The following NRXN1 variants were observed in gnomAD, a reference collection of about 807,000 sequenced individuals.
The protein encoded by NRXN1 is neurexin 1, also known as neurexin-1.
In NRXN1, 39 loss-of-function variants were observed where a neutral mutation model predicts 150.9. The ratio of observed to expected loss-of-function variants is 0.26; its 90% CI spans 0.20 to 0.34. The LOEUF (loss-of-function observed/expected upper bound fraction) is 0.34, where lower values mean the gene tolerates loss of function less well. Ranked by LOEUF, NRXN1 falls within the 10% of genes least tolerant of loss-of-function variation. The pLI, the probability that NRXN1 is intolerant of heterozygous loss-of-function variation, is 1.00. For missense variants in NRXN1, 1,815 were observed against 1,949.9 expected, an observed-to-expected ratio of 0.93 and a Z score of 1.30; for synonymous variants, 924 against 757.0, an observed-to-expected ratio of 1.22 and a Z score of -3.62.
At chr2:50,322,192 C>A (rs2076090961) in intron 17 of NRXN1, among the ~76,000 whole-genome samples, 2 of 152,132 alleles carry the variant, frequency 1.3e-5, no homozygotes. Context: ...CCACGAAGGC[C>A]AATTCCTTTT....
chr2:50,758,865 T>C (rs963586019), intron 5 of NRXN1, among the ~76,000 whole-genome samples: 1 of 151,906 alleles, frequency 6.6e-6, no homozygotes, highest in Non-Finnish European at 1.5e-5. Flanking sequence ...GTGTGGTCTA[T>C]CCAACACGAG....
chr2:49,975,700 A>G (rs1678846005), intron 21 of NRXN1, among the ~76,000 whole-genome samples: 1 of 152,190 alleles, frequency 6.6e-6, no homozygotes, highest in Admixed American at 6.6e-5. Context: ...ATTATGACTC[A>G]GAGCACCTGT....
chr2:50,760,743 G>A (rs901118060), intron 5 of NRXN1, among the ~76,000 whole-genome samples: 2 of 151,926 alleles, frequency 1.3e-5, no homozygotes, highest in East Asian at 1.9e-4. Flanking sequence ...TCAATTGTGT[G>A]TATGTGGGGT....
intron 21 of NRXN1, among the ~76,000 whole-genome samples, chr2:49,949,727 A>C (rs978130689): frequency 5.3e-5 from 8 of 151,892 alleles, no homozygotes; most frequent in Non-Finnish European, 1.5e-5. Flanking sequence ...TCAGACAATG[A>C]CATGAGCATT....
chr2:50,080,770 T>C (rs886674799), intron 19 of NRXN1, among the ~76,000 whole-genome samples: 1 of 152,170 alleles, frequency 6.6e-6, no homozygotes, highest in Non-Finnish European at 1.5e-5. Flanking sequence ...AAAAAAATTA[T>C]CTGAGCTAGT....
At chr2:50,691,216 TA>T (rs1299313032) in intron 5 of NRXN1, among the ~76,000 whole-genome samples, 1 of 152,110 alleles carries the variant, frequency 6.6e-6, no homozygotes, top group African/African-American at 2.4e-5. Context: ...TTTCTTAGCT[TA>T]AAAGTAAACA....
intron 2 of NRXN1, among the ~76,000 whole-genome samples, chr2:51,009,694 A>G (rs559399992): frequency 2.0e-5 from 3 of 151,996 alleles, no homozygotes; most frequent in Non-Finnish European, 2.9e-5. Context: ...AAAGAATGAT[A>G]ATATACCTTA....
Position 50,080,757 on chromosome 2 carries a change from GA to G in NRXN1, c.3718+10565del, listed in dbSNP as rs200279434. ...AGTACAAAAGTTGGTCCTATTCTGTGAAAAAAAAATTATCTGAGCTAGTAAA... is the reference window on the plus strand; with the variant it reads ...AGTACAAAAGTTGGTCCTATTCTGTGAAAAAAAATTATCTGAGCTAGTAAA... On this transcript the variant is annotated intron_variant, in intron 19 of 22. Coordinates refer to ENST00000401669, the MANE Select transcript of NRXN1 (RefSeq NM_001330078.2). Among the ~76,000 whole-genome samples the G allele has an allele frequency of 3.3e-5, 5 of 151,316 alleles. No individual in the cohort carries two copies. In the South Asian group the frequency reaches 6.3e-4, roughly 19 times the overall value.
chr2:49,967,918 C>A (rs1677236219), intron 21 of NRXN1, among the ~76,000 whole-genome samples: 1 of 152,054 alleles, frequency 6.6e-6, no homozygotes, highest in Non-Finnish European at 1.5e-5. Context: ...ACCTAGGTAT[C>A]ATTTCAGTCA....
At chr2:50,788,974 C>T (rs1705551213) in intron 5 of NRXN1, among the ~76,000 whole-genome samples, 1 of 151,900 alleles carries the variant, frequency 6.6e-6, no homozygotes, top group African/African-American at 2.4e-5. Context: ...AGGAGTAGGA[C>T]AGTAAGAATG....
intron 17 of NRXN1, among the ~76,000 whole-genome samples, chr2:50,384,599 C>G (rs1380177147): frequency 6.7e-6 from 1 of 150,076 alleles, no homozygotes; most frequent in East Asian, 2.0e-4. Context: ...CCCTTCTCTA[C>G]TAAATTCTTC....
chr2:50,128,852 G>A (rs781476689), intron 18 of NRXN1, among the ~76,000 whole-genome samples: 3 of 151,622 alleles, frequency 2.0e-5, no homozygotes, highest in Admixed American at 1.3e-4. Flanking sequence ...GCATGGTGGC[G>A]GGCGCCTGTA....
chr2:50,881,323 C>T (rs1457790391), intron 5 of NRXN1, among the ~76,000 whole-genome samples: 1 of 151,834 alleles, frequency 6.6e-6, no homozygotes, highest in African/African-American at 2.4e-5. Flanking sequence ...TACTTTGTTG[C>T]AATATATACA....
At chr2:50,282,576 G>A (rs1470695020) in intron 17 of NRXN1, among the ~76,000 whole-genome samples, 1 of 152,074 alleles carries the variant, frequency 6.6e-6, no homozygotes, top group Non-Finnish European at 1.5e-5. Context: ...GAAGAAAGAG[G>A]TCCTAGAACT....
At chr2:50,352,403 C>T (rs535830696) in intron 17 of NRXN1, among the ~76,000 whole-genome samples, 8 of 151,992 alleles carry the variant, frequency 5.3e-5, no homozygotes, top group Non-Finnish European at 1.0e-4. Flanking sequence ...AATTGGAAAC[C>T]CTTAAAGCTC....
chr2:50,474,237 A>G (rs891672357), intron 15 of NRXN1, among the ~76,000 whole-genome samples: 2 of 151,990 alleles, frequency 1.3e-5, no homozygotes, highest in East Asian at 1.9e-4. Flanking sequence ...CAGAGAAAGG[A>G]TATGAATCAG....
intron 17 of NRXN1, among the ~76,000 whole-genome samples, chr2:50,349,330 C>T (rs144540999): frequency 1.6e-3 from 237 of 152,294 alleles, no homozygotes; most frequent in African/African-American, 5.1e-3. Context: ...TCTGCCCTTG[C>T]CCCCAGTCAT....
chr2:50,329,532 T>G (rs1330764650), intron 17 of NRXN1, among the ~76,000 whole-genome samples: 3 of 141,478 alleles, frequency 2.1e-5, no homozygotes, highest in Non-Finnish European at 4.5e-5. Context: ...TTTCCACACT[T>G]CGTACACAAT....
chr2:50,313,659 C>T (rs915250086), intron 17 of NRXN1, among the ~76,000 whole-genome samples: 2 of 152,068 alleles, frequency 1.3e-5, no homozygotes, highest in Non-Finnish European at 2.9e-5. Context: ...CTGAGGTCAC[C>T]AACAGCATCT....
Sources: allele counts gnomAD v4.1 joint callset (sites outside exome capture counted in the v4.1 genomes callset), GRCh38; gene constraint gnomAD v4.1.1; transcripts MANE v1.5; gene names NCBI Gene and HGNC (gene_info 2026-07-23, HGNC 2026-07-21).